The following KLF8 variants were observed in gnomAD, a reference collection of about 807,000 sequenced individuals.
The protein encoded by KLF8 is KLF transcription factor 8.
KLF8 carries 10 observed loss-of-function variants against 18.2 expected under a neutral mutation model. The ratio of observed to expected loss-of-function variants is 0.55; its 90% CI spans 0.34 to 0.93. The LOEUF is 0.93. KLF8 is among the 40% of genes least tolerant of loss of function. The probability of loss-of-function intolerance (pLI) is 0.02; values close to 1 mark genes in which losing one functional copy is unlikely to be tolerated. For synonymous variants in KLF8, 109 were observed against 97.3 expected (o/e 1.12, Z -0.71); for missense variants, 264 against 277.9 (o/e 0.95, Z 0.36).
the KLF8 span, among the ~76,000 whole-genome samples, chrX:56,073,117 G>C: frequency 9.1e-6 from 1 of 109,361 alleles, no homozygotes; most frequent in African/African-American, 3.3e-5. Context: ...CTCCCGAGTA[G>C]CTGGGACTAC....
chrX:55,985,424 C>T, the KLF8 span, among the ~76,000 whole-genome samples: 1 of 111,579 alleles, frequency 9.0e-6, no homozygotes, highest in East Asian at 2.8e-4. Flanking sequence ...TGTCAAAGAT[C>T]AGAATGGTAG....
At chrX:56,240,714 G>A (rs926545101) in intron 1 of KLF8, among the ~76,000 whole-genome samples, 1 of 110,957 alleles carries the variant, frequency 9.0e-6, no homozygotes, top group African/African-American at 3.3e-5. Context: ...AAAGTACAGG[G>A]TAGTAGCAAG....
chrX:55,931,203 CT>C, the KLF8 span, among the ~76,000 whole-genome samples: 8 of 111,965 alleles, frequency 7.1e-5, no homozygotes, highest in African/African-American at 2.6e-4. Context: ...GTAGTATTCT[CT>C]GATGGTAGTT....
chrX:55,953,234 G>A, the KLF8 span, among the ~76,000 whole-genome samples: 1 of 111,276 alleles, frequency 9.0e-6, no homozygotes, highest in Admixed American at 9.6e-5. Flanking sequence ...ATAATGTTAG[G>A]TAGTGGTAAG....
chrX:56,160,413 T>G, the KLF8 span, among the ~76,000 whole-genome samples: 8 of 111,622 alleles, frequency 7.2e-5, no homozygotes, highest in African/African-American at 2.6e-4. Flanking sequence ...GTCCGCTTGG[T>G]GCAGAACTGA....
At chrX:56,109,105 A>T in the KLF8 span, among the ~76,000 whole-genome samples, 51 of 111,494 alleles carry the variant, frequency 4.6e-4, no homozygotes, top group East Asian at 0.013. Context: ...TGTGCCTTAA[A>T]TATGTTCTAG....
the KLF8 span, among the ~76,000 whole-genome samples, chrX:55,928,899 G>A: frequency 8.9e-6 from 1 of 112,063 alleles, no homozygotes; most frequent in South Asian, 3.7e-4. Flanking sequence ...CAAGGTGATT[G>A]CTGGGTCTAA....
the KLF8 span, among the ~76,000 whole-genome samples, chrX:56,017,102 GT>G: frequency 8.9e-6 from 1 of 112,085 alleles, no homozygotes; most frequent in South Asian, 3.7e-4. Context: ...CTAGAAATCT[GT>G]TTCCTGCTCC....
the KLF8 span, among the ~76,000 whole-genome samples, chrX:56,109,909 A>G: frequency 1.2e-3 from 131 of 111,052 alleles, no homozygotes; most frequent in African/African-American, 4.3e-3. Flanking sequence ...AGCATGCATT[A>G]GCTATTTTTC....
chrX:56,168,932 A>G, the KLF8 span, among the ~76,000 whole-genome samples: 3 of 111,775 alleles, frequency 2.7e-5, no homozygotes, highest in Non-Finnish European at 3.8e-5. Flanking sequence ...AGCAAGAATA[A>G]ACTGAAGACA....
At chrX:55,998,547 C>T in the KLF8 span, among the ~76,000 whole-genome samples, 1 of 112,203 alleles carries the variant, frequency 8.9e-6, no homozygotes, top group Admixed American at 9.4e-5. Flanking sequence ...CTTGCACCGC[C>T]CTTAATCCAT....
chrX:56,171,731 C>T, the KLF8 span, among the ~76,000 whole-genome samples: 1 of 111,559 alleles, frequency 9.0e-6, no homozygotes, highest in African/African-American at 3.3e-5. Flanking sequence ...CATAGTATTC[C>T]GTGCTGTATA....
the KLF8 span, among the ~76,000 whole-genome samples, chrX:55,938,249 C>T: frequency 9.0e-6 from 1 of 111,453 alleles, no homozygotes; most frequent in South Asian, 3.8e-4. Flanking sequence ...AATTTTCAAC[C>T]CAGAATTTCA....
the KLF8 span, among the ~76,000 whole-genome samples, chrX:56,169,473 A>G: frequency 5.4e-5 from 6 of 110,349 alleles, no homozygotes; most frequent in African/African-American, 9.9e-5. Context: ...AGTGGAGCCC[A>G]CTGCCCTGAA....
At chrX:56,238,673 G>T (rs750916030) in intron 1 of KLF8, among the ~76,000 whole-genome samples, 5 of 111,599 alleles carry the variant, frequency 4.5e-5, no homozygotes, top group Non-Finnish European at 9.4e-5. Flanking sequence ...CCCTAGTCTA[G>T]ATATTGAGAT....
chrX:56,051,924 G>T, the KLF8 span, among the ~76,000 whole-genome samples: 1 of 109,506 alleles, frequency 9.1e-6, no homozygotes. Flanking sequence ...TGTAGATTTG[G>T]TCTTTTCACA....
chrX:56,205,042 G>T, the KLF8 span, among the ~76,000 whole-genome samples: 7 of 110,795 alleles, frequency 6.3e-5, no homozygotes, highest in Non-Finnish European at 1.1e-4. Context: ...GAAAATGGAG[G>T]TTGTCTATTA....
intron 2 of KLF8, among the ~76,000 whole-genome samples, chrX:56,258,095 G>C (rs1310873254): frequency 8.9e-6 from 1 of 112,270 alleles, no homozygotes; most frequent in Non-Finnish European, 1.9e-5. Flanking sequence ...TTTGCATTTA[G>C]GAATTATTAG....
chrX:56,159,883 T>C, the KLF8 span, among the ~76,000 whole-genome samples: 1 of 111,815 alleles, frequency 8.9e-6, no homozygotes, highest in Non-Finnish European at 1.9e-5. Context: ...TATGTCTCTA[T>C]TTCCTTCAGT....
Sources: gnomAD v4.1 joint callset for allele counts (sites outside exome capture counted in the v4.1 genomes callset) on GRCh38, gnomAD v4.1.1 for gene constraint, MANE v1.5 for transcripts, NCBI Gene and HGNC (gene_info 2026-07-23, HGNC 2026-07-21) for gene names.